Variants in MARCHF1 observed in about 807,000 individuals in gnomAD.
MARCHF1 encodes E3 ubiquitin-protein ligase MARCHF1.
MARCHF1 carries 40 observed loss-of-function variants against 54.2 expected under a neutral mutation model. The observed-to-expected ratio is 0.74, with a 90% CI of 0.57 to 0.96. The LOEUF is 0.96. Ranked by LOEUF, MARCHF1 falls within the 40% of genes least tolerant of loss-of-function variation. The probability of loss-of-function intolerance (pLI) is 0.00; values close to 1 mark genes in which losing one functional copy is unlikely to be tolerated. For missense variants in MARCHF1, 586 were observed against 656.5 expected, an observed-to-expected ratio of 0.89 and a Z score of 1.17; for synonymous variants, 236 against 236.3, an observed-to-expected ratio of 1.00 and a Z score of 0.01.
At chr4:163,734,264 T>C (rs894861563) in intron 4 of MARCHF1, among the ~76,000 whole-genome samples, 1 of 152,158 alleles carries the variant, frequency 6.6e-6, no homozygotes. Context: ...GAAAATAGTT[T>C]GGCAACTTCT....
chr4:163,956,337 C>T (rs530027160), intron 3 of MARCHF1, among the ~76,000 whole-genome samples: 17 of 152,126 alleles, frequency 1.1e-4, no homozygotes, highest in South Asian at 2.1e-4. Flanking sequence ...CTTGAATGAA[C>T]GACTGCTACA....
intron 4 of MARCHF1, among the ~76,000 whole-genome samples, chr4:163,753,092 A>G (rs984152472): frequency 1.5e-4 from 21 of 141,096 alleles, no homozygotes; most frequent in Non-Finnish European, 2.6e-4. Flanking sequence ...TTAATAAAAT[A>G]ACAAAATAAA....
At chr4:164,250,984 T>A (rs1174452045) in intron 1 of MARCHF1, among the ~76,000 whole-genome samples, 1 of 152,164 alleles carries the variant, frequency 6.6e-6, no homozygotes, top group Non-Finnish European at 1.5e-5. Context: ...TGAAAATACT[T>A]GAGTAATGTC....
At chr4:163,740,830 G>C (rs1453189931) in intron 4 of MARCHF1, among the ~76,000 whole-genome samples, 1 of 152,086 alleles carries the variant, frequency 6.6e-6, no homozygotes, top group Non-Finnish European at 1.5e-5. Flanking sequence ...AGAAACTCTA[G>C]AGCTCATAGT....
chr4:163,996,391 G>T (rs1753076548), intron 2 of MARCHF1, among the ~76,000 whole-genome samples: 1 of 151,934 alleles, frequency 6.6e-6, no homozygotes, highest in Non-Finnish European at 1.5e-5. Context: ...ATTTTCTGCT[G>T]CTGAATATGC....
chr4:163,996,242 T>C (rs79271870), intron 2 of MARCHF1, among the ~76,000 whole-genome samples: 2 of 152,090 alleles, frequency 1.3e-5, no homozygotes, highest in South Asian at 4.2e-4. Flanking sequence ...TGACAAATAA[T>C]TTTTATAGTA....
intron 7 of MARCHF1, 56 bp from the exon 8 acceptor site, chr4:163,585,985 T>C: frequency 2.0e-6 from 3 of 1,480,594 alleles, no homozygotes; most frequent in Non-Finnish European, 2.7e-6. Context: ...TTCTCGCCTG[T>C]GTTATTTCTG....
intron 1 of MARCHF1, chr4:164,197,847 ATAT>A: frequency 7.0e-7 from 1 of 1,425,778 alleles, no homozygotes; most frequent in South Asian, 1.4e-5. Context: ...ATATTTACAA[ATAT>A]TATAATAAAG....
At chr4:164,094,082 G>C (rs1365008253) in intron 2 of MARCHF1, among the ~76,000 whole-genome samples, 2 of 152,052 alleles carry the variant, frequency 1.3e-5, no homozygotes, top group African/African-American at 4.8e-5. Context: ...AACATAGAAA[G>C]CTTTATTTCA....
chr4:163,555,331 G>A (rs989810418), intron 8 of MARCHF1, among the ~76,000 whole-genome samples: 3 of 152,114 alleles, frequency 2.0e-5, no homozygotes, highest in African/African-American at 7.2e-5. Context: ...GGAAGGAAAA[G>A]TTCAGGGACA....
intron 3 of MARCHF1, among the ~76,000 whole-genome samples, chr4:163,866,482 A>ATATATATAT (rs1560794971): frequency 2.1e-5 from 3 of 143,240 alleles, no homozygotes; most frequent in Non-Finnish European, 4.6e-5. Context: ...ATATATATAT[A>ATATATATAT]ATAGGACTGT....
At chr4:164,052,839 T>A (rs1754402763) in intron 2 of MARCHF1, among the ~76,000 whole-genome samples, 2 of 152,158 alleles carry the variant, frequency 1.3e-5, no homozygotes, top group South Asian at 4.1e-4. Context: ...AAAAAGTAAT[T>A]AGGAGACTTA....
chr4:163,585,707 T>C, intron 8 of MARCHF1, 42 bp downstream of exon 8: 1 of 1,435,920 alleles, frequency 7.0e-7, no homozygotes. Flanking sequence ...AAGTCTGCTT[T>C]GCAAATGGTC....
intron 1 of MARCHF1, among the ~76,000 whole-genome samples, chr4:164,248,354 A>G (rs1268894774): frequency 6.6e-6 from 1 of 152,124 alleles, no homozygotes; most frequent in Non-Finnish European, 1.5e-5. Context: ...TTGTGAGAGT[A>G]AATGTCCCAT....
intron 1 of MARCHF1, among the ~76,000 whole-genome samples, chr4:164,229,221 A>G (rs1045027691): frequency 6.6e-6 from 1 of 152,194 alleles, no homozygotes; most frequent in African/African-American, 2.4e-5. Flanking sequence ...GACTAGACTC[A>G]GTGTAATTGT....
chr4:164,297,896 G>A (rs560321850), intron 1 of MARCHF1, among the ~76,000 whole-genome samples: 1 of 152,150 alleles, frequency 6.6e-6, no homozygotes, highest in Non-Finnish European at 1.5e-5. Flanking sequence ...CAATTTACCT[G>A]AAGTAGACTT....
intron 3 of MARCHF1, among the ~76,000 whole-genome samples, chr4:163,884,941 C>G (rs960198882): frequency 6.6e-6 from 1 of 152,120 alleles, no homozygotes; most frequent in Non-Finnish European, 1.5e-5. Context: ...TAATTGTCCA[C>G]TATTCAGGAA....
At chr4:164,151,137 G>A (rs1432466613) in intron 1 of MARCHF1, among the ~76,000 whole-genome samples, 1 of 133,378 alleles carries the variant, frequency 7.5e-6, no homozygotes, top group Non-Finnish European at 1.5e-5. Flanking sequence ...GATCCACTTT[G>A]GGCTCCAGAA....
At chr4:163,752,287 T>A (rs1055444095) in intron 4 of MARCHF1, among the ~76,000 whole-genome samples, 2 of 149,240 alleles carry the variant, frequency 1.3e-5, no homozygotes, top group African/African-American at 5.1e-5. Context: ...AAAGGTTTTT[T>A]AAAATTAACT....
Sources: allele counts gnomAD v4.1 joint callset (sites outside exome capture counted in the v4.1 genomes callset), GRCh38; gene constraint gnomAD v4.1.1; transcripts MANE v1.5; gene names NCBI Gene and HGNC (gene_info 2026-07-23, HGNC 2026-07-21).